Variants in SLC8A1 observed in about 807,000 individuals in gnomAD.
The protein encoded by SLC8A1 is sodium/calcium exchanger 1.
In SLC8A1, 18 loss-of-function variants were observed where a neutral mutation model predicts 68.3. That is an observed-to-expected ratio of 0.26 (90% CI 0.18 to 0.39). The LOEUF is 0.39. SLC8A1 is among the 10% of genes least tolerant of loss of function. SLC8A1 has a pLI of 1.00. For missense variants in SLC8A1, 985 were observed against 1,156.7 expected (o/e 0.85, Z 2.15); for synonymous variants, 475 against 415.5 (o/e 1.14, Z -1.74).
At chr2:40,507,209 A>G (rs905481210) in intron 1 of SLC8A1, among the ~76,000 whole-genome samples, 1 of 151,856 alleles carries the variant, frequency 6.6e-6, no homozygotes, top group African/African-American at 2.4e-5. Context: ...TTCTTATCTC[A>G]TTTTCCAATC....
In SLC8A1 at chr2:40,312,371, G is replaced by C. The variant is rs201653861; in HGVS notation, c.1808+116102C>G. Among the ~76,000 whole-genome samples, 23 of 152,102 alleles carry C rather than the reference G, an allele frequency of 1.5e-4. No individual in the cohort carries two copies. The East Asian group carries it at 4.3e-3, about 28-fold the overall frequency. On this transcript the variant is annotated intron_variant, in intron 2 of 7. Coordinates refer to ENST00000406785, the Ensembl canonical transcript of SLC8A1. ...GTGAGGGGTACTATTTTCATCATAG[G>C]TTATATTAATGGTGCCACTTTGCTC... is the stretch of plus-strand genomic sequence containing the variant.
chr2:40,435,826 A>T (rs1187281013), intron 1 of SLC8A1, among the ~76,000 whole-genome samples: 1 of 152,022 alleles, frequency 6.6e-6, no homozygotes, highest in Non-Finnish European at 1.5e-5. Context: ...CCCAGGCTGG[A>T]GTGCAGTGGT....
At chr2:40,313,844 T>G (rs1391065574) in intron 2 of SLC8A1, among the ~76,000 whole-genome samples, 1 of 152,146 alleles carries the variant, frequency 6.6e-6, no homozygotes, top group East Asian at 1.9e-4. Flanking sequence ...TTTAGTGAAA[T>G]ATCTGCTCAA....
chr2:40,237,033 AT>A (rs36186868), intron 2 of SLC8A1, among the ~76,000 whole-genome samples: 97,398 of 150,482 alleles, frequency 0.65, 31,883 homozygotes, highest in Middle Eastern at 0.78. Flanking sequence ...TGCCCTTAAC[AT>A]TTTTTTTTTC....
At chr2:40,482,940 G>T (rs1463034488) in intron 1 of SLC8A1, among the ~76,000 whole-genome samples, 1 of 148,480 alleles carries the variant, frequency 6.7e-6, no homozygotes, top group Admixed American at 6.7e-5. Context: ...ACAGGCGCCC[G>T]CCACCACGCC....
chr2:40,280,876 G>A (rs2067416640), intron 2 of SLC8A1, among the ~76,000 whole-genome samples: 1 of 152,204 alleles, frequency 6.6e-6, no homozygotes, highest in South Asian at 2.1e-4. Context: ...GGTAAAACAT[G>A]ACTTCAGTTC....
At chr2:40,451,421 C>A (rs1261930543) in intron 1 of SLC8A1, among the ~76,000 whole-genome samples, 1 of 152,148 alleles carries the variant, frequency 6.6e-6, no homozygotes, top group South Asian at 2.1e-4. Context: ...AAACAGGGGG[C>A]TCGGAAATGT....
At chr2:40,151,245 T>G (rs1326280766) in intron 6 of SLC8A1, among the ~76,000 whole-genome samples, 11 of 149,892 alleles carry the variant, frequency 7.3e-5, no homozygotes, top group Non-Finnish European at 1.5e-4. Context: ...AAACTCCTTT[T>G]GAAACATGGC....
chr2:40,370,319 G>C (rs540547077), intron 2 of SLC8A1, among the ~76,000 whole-genome samples: 171 of 152,106 alleles, frequency 1.1e-3, no homozygotes, highest in Non-Finnish European at 2.1e-3. Flanking sequence ...AGAACCCTAG[G>C]GAATCAATTT....
chr2:40,310,808 G>C (rs903200516), intron 2 of SLC8A1, among the ~76,000 whole-genome samples: 3 of 152,010 alleles, frequency 2.0e-5, no homozygotes, highest in Admixed American at 6.6e-5. Flanking sequence ...CCAACAGATG[G>C]ATCTGGTCAT....
chr2:40,478,729 A>G (rs929338398), intron 1 of SLC8A1, among the ~76,000 whole-genome samples: 7 of 150,354 alleles, frequency 4.7e-5, no homozygotes, highest in Non-Finnish European at 5.9e-5. Flanking sequence ...ATTTATATCA[A>G]TTTCCCTGGA....
intron 7 of SLC8A1, among the ~76,000 whole-genome samples, 180 bp from the exon 11 acceptor site, chr2:40,115,809 T>C (rs963630801): frequency 6.6e-6 from 1 of 152,164 alleles, no homozygotes. Context: ...ATCTAGATAT[T>C]GGGAGTTAAG....
In SLC8A1 at chr2:40,139,794, A is replaced by G. The variant is rs973369509; in HGVS notation, c.2162-118T>C. The G allele has an allele frequency of 2.2e-5, 22 of 1,006,090 alleles. No individual in the cohort carries two copies. The African/African-American group carries it at 3.6e-4, about 16-fold the overall frequency. 62.3% of individuals were successfully genotyped at this position (1,006,090 alleles called of 1,614,324 possible). On this transcript the variant is annotated intron_variant, in intron 6 of 7. Coordinates refer to ENST00000406785, the Ensembl canonical transcript of SLC8A1. ...CCACTCTGTGACAGGAGGCCATGAG[A>G]GGTGGGTGAAGTTTAGGGTTTTCCA...
At chr2:40,340,377 A>T (rs4952610) in intron 2 of SLC8A1, among the ~76,000 whole-genome samples, 63,348 of 151,848 alleles carry the variant, frequency 0.42, 14,184 homozygotes, top group South Asian at 0.6. Flanking sequence ...CCTGGCCGAC[A>T]TGGTGAACTC....
intron 2 of SLC8A1, among the ~76,000 whole-genome samples, chr2:40,416,505 TTCAG>T (rs1693935829): frequency 6.6e-6 from 1 of 152,212 alleles, no homozygotes; most frequent in Admixed American, 6.5e-5. Context: ...CTAAATCTTA[TTCAG>T]TGTTATGTCA....
At chr2:40,494,639 TAATATATATATA>T (rs1469838739) in intron 1 of SLC8A1, among the ~76,000 whole-genome samples, 3 of 75,432 alleles carry the variant, frequency 4.0e-5, no homozygotes, top group East Asian at 3.7e-4. Flanking sequence ...ACTTAAAGTA[TAATATATATATA>T]TATATATATA....
intron 2 of SLC8A1, among the ~76,000 whole-genome samples, chr2:40,246,278 A>C (rs2061854310): frequency 6.6e-6 from 1 of 152,238 alleles, no homozygotes. Context: ...CATTCTCAAC[A>C]GGGGAAACTT....
intron 2 of SLC8A1, among the ~76,000 whole-genome samples, chr2:40,190,271 G>A (rs2051528196): frequency 6.6e-6 from 1 of 152,112 alleles, no homozygotes; most frequent in Non-Finnish European, 1.5e-5. Context: ...CATTCTAGAA[G>A]CACAATCTCT....
intron 2 of SLC8A1, among the ~76,000 whole-genome samples, chr2:40,418,249 T>C (rs981788347): frequency 1.3e-5 from 2 of 152,214 alleles, no homozygotes; most frequent in East Asian, 1.9e-4. Flanking sequence ...TCTACACTTA[T>C]ATATTCATAT....
Sources: allele counts gnomAD v4.1 joint callset (sites outside exome capture counted in the v4.1 genomes callset), GRCh38; gene constraint gnomAD v4.1.1; transcripts MANE v1.5; gene names NCBI Gene and HGNC (gene_info 2026-07-23, HGNC 2026-07-21).